MFN1: variants seen among roughly 807,000 people sequenced by gnomAD.
MFN1 encodes the protein mitofusin 1, also known as mitofusin-1.
In MFN1, 65 loss-of-function variants were observed where a neutral mutation model predicts 92.4. The ratio of observed to expected loss-of-function variants is 0.70; its 90% CI spans 0.58 to 0.86. MFN1 has a LOEUF of 0.86. MFN1 is among the 40% of genes least tolerant of loss of function. MFN1 has a pLI of 0.00. For missense variants in MFN1, 781 were observed against 868.0 expected, an observed-to-expected ratio of 0.90 and a Z score of 1.26; for synonymous variants, 297 against 300.9, an observed-to-expected ratio of 0.99 and a Z score of 0.13.
At chr3:179,374,390 CAT>C (rs1214005914) in intron 9 of MFN1, among the ~76,000 whole-genome samples, 9 of 57,642 alleles carry the variant, frequency 1.6e-4, no homozygotes, top group African/African-American at 2.8e-4. Flanking sequence ...ACATATATAA[CAT>C]ATATATGTAA....
chr3:179,389,910 T>C (rs1713836787), intron 16 of MFN1, 94 bp from the exon 17 acceptor site: 4 of 1,239,202 alleles, frequency 3.2e-6, no homozygotes, highest in Non-Finnish European at 3.4e-6. Flanking sequence ...TAGAAGTTTT[T>C]TAAAACTTGT....
Position 179,385,722 on chromosome 3 carries a change from G to A in MFN1, c.1815+1G>A, listed in dbSNP as rs760819344. ...GGGCATCATTATTGTTGGAGGAGTG[G>A]TAAGAAACATTACTTTTAGTATAAT... On this transcript the variant is annotated splice_donor_variant, in intron 15 of 17. Transcript: ENST00000471841. LOFTEE classifies it high-confidence loss of function. 1 of 1,611,386 alleles carries A rather than the reference G, an allele frequency of 6.2e-7. No individual in the cohort carries two copies. The highest frequency in any genetic ancestry group is 1.1e-5 in the South Asian group (1 of 90,348).
chr3:179,361,828 G>A (rs113869633), intron 4 of MFN1, among the ~76,000 whole-genome samples: 2,221 of 152,120 alleles, frequency 0.015, 60 homozygotes, highest in African/African-American at 0.051. Context: ...ATGAGCCACC[G>A]CCCCCGGCCT....
At chr3:179,372,532 T>C (rs991810349) in intron 9 of MFN1, among the ~76,000 whole-genome samples, 1 of 152,172 alleles carries the variant, frequency 6.6e-6, no homozygotes, top group African/African-American at 2.4e-5. Context: ...CCCATACTTA[T>C]TTGGAGTAAA....
In MFN1 at chr3:179,373,169, G is replaced by A. The variant is rs570918342; in HGVS notation, c.976-2051G>A. On this transcript the variant is annotated intron_variant, in intron 9 of 17. Transcript: ENST00000471841. ...TTGACTAAATTAATTACCCTCATGT[G>A]CTCTATAGCTAAATAATCTGTTTTG... 3.3e-5 allele frequency among the ~76,000 whole-genome samples: 5 copies of A among 152,294 alleles called. No individual in the cohort carries two copies. The South Asian group carries it at 1.0e-3, about 32-fold the overall frequency.
intron 5 of MFN1, 100 bp from the exon 6 acceptor site, chr3:179,364,196 TG>T: frequency 2.9e-6 from 2 of 693,372 alleles, no homozygotes; most frequent in Non-Finnish European, 4.4e-6. Context: ...CTGGAAATCC[TG>T]GTTTTTAAAC....
chr3:179,371,242 C>T (rs1195656721), intron 9 of MFN1, among the ~76,000 whole-genome samples: 2 of 152,106 alleles, frequency 1.3e-5, no homozygotes, highest in African/African-American at 4.8e-5. Flanking sequence ...ATTGGTGGCT[C>T]ATGCCAGTAA....
At chr3:179,374,163 C>T (rs1431166085) in intron 9 of MFN1, among the ~76,000 whole-genome samples, 2 of 150,990 alleles carry the variant, frequency 1.3e-5, no homozygotes. Flanking sequence ...ATTAGCCAGG[C>T]ATAGTGGTGC....
chr3:179,350,291 T>TA (rs1457506570), intron 2 of MFN1, among the ~76,000 whole-genome samples: 3 of 152,086 alleles, frequency 2.0e-5, no homozygotes, highest in Non-Finnish European at 4.4e-5. Context: ...AACCCTCTCT[T>TA]ACCATATTTT....
intron 9 of MFN1, among the ~76,000 whole-genome samples, chr3:179,370,644 T>G (rs1712988011): frequency 6.6e-6 from 1 of 152,122 alleles, no homozygotes; most frequent in South Asian, 2.1e-4. Flanking sequence ...TCTCCTGACC[T>G]CATGATCCAC....
chr3:179,378,405 TA>T lies in MFN1; in HGVS notation c.1397del (p.Asn466ThrfsTer3), dbSNP rs1444296288. 6.2e-7 allele frequency: 1 copy of T among 1,606,744 alleles called. No individual in the cohort carries two copies. The highest frequency in any genetic ancestry group is 2.2e-5 in the East Asian group (1 of 44,832). ...TTGGCTGATCGATGCACCGATGAAG[TA>T]AACGCCTTAGTGCTTCAGACCCAGC... ...RNLADRCTDE[V>X]NALVLQTQQE... On this transcript the variant is annotated frameshift_variant, in exon 13 of 18. Coordinates refer to ENST00000471841, the MANE Select transcript of MFN1 (RefSeq NM_033540.3). LOFTEE classifies it high-confidence loss of function.
At chr3:179,370,935 T>G (rs560341330) in intron 9 of MFN1, among the ~76,000 whole-genome samples, 1 of 152,262 alleles carries the variant, frequency 6.6e-6, no homozygotes, top group Non-Finnish European at 1.5e-5. Flanking sequence ...TTATCCAATT[T>G]TTGGTTACTA....
At position 179,385,645 on chromosome 3, in the gene MFN1, T is replaced by G. The variant is rs1368177130; in HGVS notation, c.1739T>G (p.Leu580Arg). 1 of 1,613,908 alleles carries G rather than the reference T, an allele frequency of 6.2e-7. No homozygotes were observed. Among genetic ancestry groups the G allele is most frequent in the Non-Finnish European group, 8.5e-7 (1 of 1,179,912 alleles). The change falls in exon 15 of 18, where the codon CTC becomes CGC. Residue 580 changes from leucine to arginine, a missense_variant. Transcript: ENST00000471841. ...CCAGATAATGCATCACAGGAAGAAC[T>G]CATGATTACATTAGTAACAGGATTG... ...ATPDNASQEE[L>R]MITLVTGLAS...
chr3:179,393,393 T>A lies in MFN1; in HGVS notation c.*1334T>A, dbSNP rs571071119. 4 of 152,172 alleles carry A rather than the reference T, an allele frequency of 2.6e-5. No homozygotes were observed. Among genetic ancestry groups the A allele is most frequent in the Non-Finnish European group, 5.9e-5 (4 of 68,038 alleles). The allele number at this position is 152,172 out of a possible 1,614,324, so 9.4% of individuals were successfully genotyped here. ...GCCACATGTAGTTTATGTTTCCTTT[T>A]CATGGGAGGGATAAAATTTAAAGCT... On this transcript the variant is annotated 3_prime_UTR_variant, in exon 18 of 18. Coordinates refer to ENST00000471841, the MANE Select transcript of MFN1 (RefSeq NM_033540.3).
chr3:179,361,379 G>C (rs1276886956), intron 4 of MFN1, among the ~76,000 whole-genome samples: 2 of 152,162 alleles, frequency 1.3e-5, no homozygotes, highest in Non-Finnish European at 2.9e-5. Flanking sequence ...TTGTGTGATG[G>C]ATAGGTCTGG....
chr3:179,382,538 G>A (rs899581542), intron 14 of MFN1, among the ~76,000 whole-genome samples: 9 of 152,200 alleles, frequency 5.9e-5, no homozygotes, highest in African/African-American at 2.2e-4. Context: ...ACATATGTGT[G>A]CATGTGTCTT....
chr3:179,387,979 G>A (rs377419667), intron 16 of MFN1, among the ~76,000 whole-genome samples: 26 of 151,600 alleles, frequency 1.7e-4, no homozygotes, highest in African/African-American at 5.6e-4. Context: ...TGATCCACTC[G>A]CCTCGGCCTC....
chr3:179,372,278 T>C (rs1326775759), intron 9 of MFN1, among the ~76,000 whole-genome samples: 2 of 151,320 alleles, frequency 1.3e-5, no homozygotes, highest in Non-Finnish European at 2.9e-5. Context: ...AAGTTGGCAG[T>C]GATGAGTAGC....
intron 14 of MFN1, among the ~76,000 whole-genome samples, chr3:179,381,173 C>T (rs1476887717): frequency 6.6e-6 from 1 of 152,138 alleles, no homozygotes; most frequent in African/African-American, 2.4e-5. Flanking sequence ...CTTATTGAAG[C>T]ACTAGAGCAG....
Sources: gnomAD v4.1 joint callset for allele counts (sites outside exome capture counted in the v4.1 genomes callset) on GRCh38, gnomAD v4.1.1 for gene constraint, MANE v1.5 for transcripts, NCBI Gene and HGNC (gene_info 2026-07-23, HGNC 2026-07-21) for gene names.